Variants in LYPLA1 observed in about 807,000 individuals in gnomAD.
LYPLA1 encodes the protein lysophospholipase 1, also known as acyl-protein thioesterase 1.
LYPLA1 carries 17 observed loss-of-function variants against 34.0 expected under a neutral mutation model. The ratio of observed to expected loss-of-function variants is 0.50; its 90% CI spans 0.34 to 0.75. The LOEUF (loss-of-function observed/expected upper bound fraction) is 0.75, where lower values mean the gene tolerates loss of function less well. Ranked by LOEUF, LYPLA1 falls within the 30% of genes least tolerant of loss-of-function variation. LYPLA1 has a pLI of 0.01. For synonymous variants in LYPLA1, 98 were observed against 100.8 expected, an observed-to-expected ratio of 0.97 and a Z score of 0.17; for missense variants, 203 against 288.8, an observed-to-expected ratio of 0.70 and a Z score of 2.15.
intron 2 of LYPLA1, among the ~76,000 whole-genome samples, chr8:54,099,334 TCTG>T (rs1482482675): frequency 4.6e-5 from 7 of 152,186 alleles, no homozygotes; most frequent in Non-Finnish European, 8.8e-5. Context: ...TGCAACCTTT[TCTG>T]TAACTCCATA....
chr8:54,044,187 G>A (rs765642132), downstream of LYPLA1, among the ~76,000 whole-genome samples: 14 of 152,048 alleles, frequency 9.2e-5, 1 homozygote, highest in Non-Finnish European at 1.6e-4. Context: ...GGGAGCCACC[G>A]TGCCCAGCCT....
intron 2 of LYPLA1, among the ~76,000 whole-genome samples, chr8:54,076,446 C>G (rs895891149): frequency 6.6e-6 from 1 of 152,176 alleles, no homozygotes; most frequent in African/African-American, 2.4e-5. Flanking sequence ...CTGACTCCTG[C>G]GAGAAGTAGC....
intron 2 of LYPLA1, among the ~76,000 whole-genome samples, chr8:54,081,569 T>A (rs575417839): frequency 1.3e-5 from 2 of 152,160 alleles, no homozygotes; most frequent in South Asian, 4.2e-4. Flanking sequence ...TACCTCAGCC[T>A]CCCGAGTAGC....
At position 54,047,641 on chromosome 8, in the gene LYPLA1, A is replaced by G. The variant is rs1563549552; in HGVS notation, c.*424T>C. On this transcript the variant is annotated 3_prime_UTR_variant, in exon 9 of 9. Coordinates refer to ENST00000316963, the MANE Select transcript of LYPLA1 (RefSeq NM_006330.4). ...AAATACAGACACTGCATGGTGACTA[A>G]GCAATTTTGGAATAAATCCATAGAC... 1 of 155,410 alleles carries G rather than the reference A, an allele frequency of 6.4e-6. No homozygotes were observed. Among genetic ancestry groups the G allele is most frequent in the African/African-American group, 2.4e-5 (1 of 41,592 alleles). The allele number at this position is 155,410 out of a possible 1,614,324, so 9.6% of individuals were successfully genotyped here.
chr8:54,052,856 T>G (rs968808044), intron 6 of LYPLA1, 100 bp from the exon 7 acceptor site: 9 of 725,990 alleles, frequency 1.2e-5, no homozygotes, highest in Non-Finnish European at 1.9e-5. Context: ...AAAATCAAAC[T>G]TGGTGGCTGG....
chr8:54,043,420 C>A (rs536112195), downstream of LYPLA1, among the ~76,000 whole-genome samples: 1 of 152,028 alleles, frequency 6.6e-6, no homozygotes, highest in Non-Finnish European at 1.5e-5. Flanking sequence ...GGACTACAGG[C>A]GTGCACCACC....
At chr8:54,062,153 C>G (rs543415372) in intron 5 of LYPLA1, 101 bp downstream of exon 5, 2 of 837,370 alleles carry the variant, frequency 2.4e-6, no homozygotes, top group Non-Finnish European at 3.8e-6. Flanking sequence ...CCACCGTGCC[C>G]GGCCCAAATG....
intron 2 of LYPLA1, among the ~76,000 whole-genome samples, chr8:54,082,029 G>T (rs562717887): frequency 1.3e-5 from 2 of 152,212 alleles, no homozygotes; most frequent in South Asian, 4.2e-4. Flanking sequence ...CGCATCTGAG[G>T]AGAGAAATTT....
intron 2 of LYPLA1, among the ~76,000 whole-genome samples, chr8:54,072,131 G>A (rs923110856): frequency 1.3e-5 from 2 of 152,032 alleles, no homozygotes; most frequent in Admixed American, 1.3e-4. Context: ...AACAAGCAAT[G>A]GGAAAAAGGA....
At chr8:54,057,370 T>C (rs1586086206) in intron 5 of LYPLA1, among the ~76,000 whole-genome samples, 2 of 152,194 alleles carry the variant, frequency 1.3e-5, no homozygotes, top group African/African-American at 2.4e-5. Flanking sequence ...CCCATGTTTG[T>C]TGTAGCACTG....
At chr8:54,050,002 C>T (rs1267637978) in intron 8 of LYPLA1, among the ~76,000 whole-genome samples, 1 of 152,216 alleles carries the variant, frequency 6.6e-6, no homozygotes, top group African/African-American at 2.4e-5. Flanking sequence ...CAACACCTAA[C>T]TCCTTTTCTC....
intron 2 of LYPLA1, among the ~76,000 whole-genome samples, chr8:54,085,828 C>G (rs1808709685): frequency 7.0e-6 from 1 of 143,824 alleles, no homozygotes; most frequent in African/African-American, 2.6e-5. Flanking sequence ...CAGCCCCCGG[C>G]CGGCCAGCCG....
chr8:54,061,982 A>G (rs1354965365), intron 5 of LYPLA1, among the ~76,000 whole-genome samples: 1 of 151,946 alleles, frequency 6.6e-6, no homozygotes, highest in Non-Finnish European at 1.5e-5. Context: ...CATCCTCTCA[A>G]GTGGCTGGGA....
rs113146082 is a variant in LYPLA1, at chr8:54,058,616, GTCTC to G, written c.287-3487_287-3484del. Among the ~76,000 whole-genome samples the G allele has an allele frequency of 2.8e-3, 424 of 148,826 alleles. 3 individuals are homozygous for G. The highest frequency in any genetic ancestry group is 9.9e-3 in the African/African-American group (402 of 40,766). On this transcript the variant is annotated intron_variant, in intron 5 of 8. Transcript: ENST00000316963. ...ACTCTCTCTCTGTGTCTCTGTCTCT[GTCTC>G]TCTCTCTCTCTCTCTCAAAACAGGG...
intron 5 of LYPLA1, among the ~76,000 whole-genome samples, chr8:54,061,592 A>C (rs1806637567): frequency 6.6e-6 from 1 of 152,182 alleles, no homozygotes. Context: ...TGGGCAACAC[A>C]GGGAGACCCT....
At chr8:54,084,570 C>CA (rs1024728073) in intron 2 of LYPLA1, among the ~76,000 whole-genome samples, 59 of 147,344 alleles carry the variant, frequency 4.0e-4, no homozygotes, top group East Asian at 2.2e-3. Flanking sequence ...GAGTCCATCT[C>CA]AAAAAAAAAG....
At chr8:54,044,141 C>T (rs1805427680), downstream of LYPLA1, among the ~76,000 whole-genome samples, 1 of 152,142 alleles carries the variant, frequency 6.6e-6, no homozygotes, top group African/African-American at 2.4e-5. Flanking sequence ...GATCCACTCG[C>T]CTCAGCCTCC....
chr8:54,078,859 T>C (rs911851996), intron 2 of LYPLA1, among the ~76,000 whole-genome samples: 2 of 151,708 alleles, frequency 1.3e-5, no homozygotes, highest in African/African-American at 2.4e-5. Flanking sequence ...TACAGGTCTA[T>C]GCAAGTCTAT....
At chr8:54,079,162 CAG>C (rs1385508888) in intron 2 of LYPLA1, among the ~76,000 whole-genome samples, 1 of 151,904 alleles carries the variant, frequency 6.6e-6, no homozygotes, top group Non-Finnish European at 1.5e-5. Flanking sequence ...GTATTTTCAA[CAG>C]AGATGGGGAT....
Sources: allele counts gnomAD v4.1 joint callset (sites outside exome capture counted in the v4.1 genomes callset), GRCh38; gene constraint gnomAD v4.1.1; transcripts MANE v1.5; gene names NCBI Gene and HGNC (gene_info 2026-07-23, HGNC 2026-07-21).